Variants in FOCAD observed in about 807,000 individuals in gnomAD.
FOCAD encodes the protein KIAA1797.
A neutral mutation model predicts 225.6 loss-of-function variants in FOCAD; 198 were observed. The observed-to-expected ratio is 0.88, with a 90% CI of 0.78 to 0.99. The LOEUF is 0.99. Among genes scored for constraint, FOCAD ranks in the 50% least tolerant of loss-of-function variants. The probability of loss-of-function intolerance (pLI) is 0.00; values close to 1 mark genes in which losing one functional copy is unlikely to be tolerated. For synonymous variants in FOCAD, 897 were observed against 755.0 expected (o/e 1.19, Z -3.08); for missense variants, 2,713 against 2,123.6 (o/e 1.28, Z -5.46).
rs770722315 is a variant in FOCAD at position 20,990,132 on chromosome 9, T to A, written c.5014T>A (p.Phe1672Ile). Reference sequence around the variant, plus strand: ...TCTATTTTCATCGTAGGCTTTGGACTTCTTCTTGCTGATATTTGCAACCGC... The same window carrying A: ...TCTATTTTCATCGTAGGCTTTGGACATCTTCTTGCTGATATTTGCAACCGC... ...HNTALDKALD[F>I]FLLIFATAVV... is the part of the protein sequence containing the mutation. Residue 1672 changes from phenylalanine (F) to isoleucine (I), a missense_variant, in exon 42 of 44, where the codon TTC (phenylalanine) becomes ATC (isoleucine). Phe to Ile is a conservative substitution (Grantham distance 21, BLOSUM62 0). Transcript: ENST00000338382. 5.6e-6 allele frequency: 9 copies of A among 1,614,174 alleles called. No homozygotes were observed. In the South Asian group the frequency reaches 9.9e-5, roughly 18 times the overall value.
intron 11 of FOCAD, among the ~76,000 whole-genome samples, chr9:20,814,046 A>G (rs985462976): frequency 9.9e-5 from 15 of 152,064 alleles, no homozygotes; most frequent in African/African-American, 3.6e-4. Context: ...CATTTGTATT[A>G]AATATCTTCT....
intron 15 of FOCAD, among the ~76,000 whole-genome samples, chr9:20,839,100 T>C (rs1281547826): frequency 1.3e-5 from 2 of 151,846 alleles, no homozygotes; most frequent in Non-Finnish European, 2.9e-5. Flanking sequence ...GCATACCAGT[T>C]ATATGAATTT....
chr9:20,866,917 T>TTTTTAAACAAA lies in FOCAD; in HGVS notation c.2107-12_2107-11insTTTTAAACAAA. 1.3e-6 allele frequency: 1 copy of TTTTTAAACAAA among 764,972 alleles called. No individual in the cohort carries two copies. The highest frequency in any genetic ancestry group is 2.0e-6 in the Non-Finnish European group (1 of 498,468). The allele number at this position is 764,972 out of a possible 1,614,324, so 47.4% of individuals were successfully genotyped here. A position where few individuals can be genotyped will look rare whatever the true frequency, so the allele number is the denominator to read the frequency against. On this transcript the variant is annotated splice_polypyrimidine_tract_variant and intron_variant, in intron 17 of 43. Transcript: ENST00000338382. Reference sequence around the variant, plus strand: ...TTTTTTTTTTTTTTTTTTTTTTTTTTACCCTATCTAGGACCCAATTGTAGC... The same window carrying TTTTTAAACAAA: ...TTTTTTTTTTTTTTTTTTTTTTTTTTTTTTAAACAAAACCCTATCTAGGACCCAATTGTAGC...
At chr9:20,734,189 G>A (rs1471569675) in intron 4 of FOCAD, among the ~76,000 whole-genome samples, 1 of 151,898 alleles carries the variant, frequency 6.6e-6, no homozygotes, top group Non-Finnish European at 1.5e-5. Context: ...TTGTTATTGA[G>A]CCCTGGTGAA....
chr9:20,933,104 G>A lies in FOCAD; in HGVS notation c.3407+1G>A, dbSNP rs1835641848. On this transcript the variant is annotated splice_donor_variant, in intron 28 of 43. Coordinates refer to ENST00000338382, the MANE Select transcript of FOCAD (RefSeq NM_001375567.1). LOFTEE classifies it high-confidence loss of function. ...GCTTTGACACTAGTCTTGAATACAA[G>A]TATGTTGTTCCTATTTCCACTCTCA... 3 of 1,610,460 alleles carry A rather than the reference G, an allele frequency of 1.9e-6. No individual in the cohort carries two copies. Among genetic ancestry groups the A allele is most frequent in the Non-Finnish European group, 2.5e-6 (3 of 1,176,868 alleles).
intron 11 of FOCAD, among the ~76,000 whole-genome samples, chr9:20,803,741 A>G (rs890441126): frequency 1.4e-4 from 21 of 152,110 alleles, no homozygotes; most frequent in Middle Eastern, 3.2e-3. Flanking sequence ...GCTCCTTGCT[A>G]TGGAGCAGTA....
intron 11 of FOCAD, among the ~76,000 whole-genome samples, chr9:20,790,932 G>T (rs1319522833): frequency 1.3e-5 from 2 of 152,104 alleles, no homozygotes; most frequent in Non-Finnish European, 2.9e-5. Context: ...TCTGCAAGTG[G>T]ATCTGTAATG....
intron 26 of FOCAD, 158 bp from the exon 27 acceptor site, chr9:20,929,200 A>G (rs1453108855): frequency 1.7e-5 from 10 of 585,586 alleles, no homozygotes; most frequent in Admixed American, 3.1e-5. Context: ...AACATAATCT[A>G]TAGACAAAAA....
At chr9:20,709,879 T>G (rs1452497260) in intron 1 of FOCAD, among the ~76,000 whole-genome samples, 1 of 152,206 alleles carries the variant, frequency 6.6e-6, no homozygotes, top group Non-Finnish European at 1.5e-5. Flanking sequence ...CATCTGTACT[T>G]AGGTAATTTA....
intron 11 of FOCAD, among the ~76,000 whole-genome samples, chr9:20,811,880 A>G (rs918753090): frequency 1.3e-5 from 2 of 152,108 alleles, no homozygotes; most frequent in Non-Finnish European, 1.5e-5. Context: ...TAAGATTATT[A>G]AGGAATTATG....
chr9:20,866,937 T>C lies in FOCAD; in HGVS notation c.2115T>C (p.Ile705=). 1 of 789,652 alleles carries C rather than the reference T, an allele frequency of 1.3e-6. No individual in the cohort carries two copies. The highest frequency in any genetic ancestry group is 2.0e-6 in the Non-Finnish European group (1 of 498,892). 48.9% of individuals were successfully genotyped at this position (789,652 alleles called of 1,614,324 possible). A position where few individuals can be genotyped will look rare whatever the true frequency, so the allele number is the denominator to read the frequency against. The change falls in exon 18 of 44, where the codon ATT becomes ATC. Residue 705 remains isoleucine (I), a synonymous_variant. Transcript: ENST00000338382. ...TTTTTTACCCTATCTAGGACCCAATTGTAGCAAATGCTGCATATAGATCCC... is the reference window on the plus strand; with the variant it reads ...TTTTTTACCCTATCTAGGACCCAATCGTAGCAAATGCTGCATATAGATCCC... The part of the protein sequence containing the change: ...LWTHTQNKDP[I]VANAAYRSLA...
intron 1 of FOCAD, among the ~76,000 whole-genome samples, chr9:20,707,639 C>T (rs1563897765): frequency 1.3e-5 from 2 of 152,018 alleles, no homozygotes; most frequent in Middle Eastern, 3.4e-3. Flanking sequence ...GGAAGTGGAT[C>T]GTCATAAAGG....
chr9:20,851,187 G>C (rs1827611899), intron 15 of FOCAD, among the ~76,000 whole-genome samples: 2 of 149,354 alleles, frequency 1.3e-5, no homozygotes, highest in South Asian at 4.2e-4. Context: ...TTCAAATAAA[G>C]TTGAAAACCA....
chr9:20,735,829 A>G (rs996672497), intron 4 of FOCAD, among the ~76,000 whole-genome samples: 6 of 98,452 alleles, frequency 6.1e-5, no homozygotes, highest in African/African-American at 8.3e-5. Context: ...TGGCCTCTTC[A>G]ATTGTTTTAT....
chr9:20,689,306 A>G (rs1347436009), intron 1 of FOCAD, among the ~76,000 whole-genome samples: 3 of 152,168 alleles, frequency 2.0e-5, no homozygotes, highest in African/African-American at 7.2e-5. Context: ...TGAATTGCTC[A>G]CCCAGATGAC....
At chr9:20,730,649 T>C (rs1256541154) in intron 4 of FOCAD, among the ~76,000 whole-genome samples, 1 of 152,094 alleles carries the variant, frequency 6.6e-6, no homozygotes, top group East Asian at 1.9e-4. Flanking sequence ...TGAGTTAAGA[T>C]GGAGGGGAGT....
At chr9:20,937,717 A>C (rs972820418) in intron 28 of FOCAD, among the ~76,000 whole-genome samples, 1 of 151,944 alleles carries the variant, frequency 6.6e-6, no homozygotes, top group South Asian at 2.1e-4. Flanking sequence ...AGAAAGGCCA[A>C]AATTGACAAA....
intron 24 of FOCAD, 92 bp from the exon 25 acceptor site, chr9:20,923,568 T>G: frequency 1.1e-6 from 1 of 876,368 alleles, no homozygotes; most frequent in South Asian, 1.6e-5. Flanking sequence ...CACAAGTTGC[T>G]TTTTGACTTC....
intron 19 of FOCAD, among the ~76,000 whole-genome samples, chr9:20,878,286 G>A (rs555720295): frequency 6.6e-6 from 1 of 152,290 alleles, no homozygotes; most frequent in South Asian, 2.1e-4. Context: ...TTTGGCAGGG[G>A]AGATTTCTTG....
Sources: gnomAD v4.1 joint callset for allele counts (sites outside exome capture counted in the v4.1 genomes callset) on GRCh38, gnomAD v4.1.1 for gene constraint, MANE v1.5 for transcripts, NCBI Gene and HGNC (gene_info 2026-07-23, HGNC 2026-07-21) for gene names.